The following SPOCK3 variants were observed in gnomAD, a reference collection of about 807,000 sequenced individuals.
The protein encoded by SPOCK3 is testican-3.
SPOCK3 carries 30 observed loss-of-function variants against 56.6 expected under a neutral mutation model. That is an observed-to-expected ratio of 0.53 (90% CI 0.40 to 0.72). SPOCK3 has a LOEUF of 0.72. SPOCK3 is among the 30% of genes least tolerant of loss of function. SPOCK3 has a pLI of 0.00. For synonymous variants in SPOCK3, 196 were observed against 183.3 expected (o/e 1.07, Z -0.56); for missense variants, 527 against 530.0 (o/e 0.99, Z 0.06).
intron 2 of SPOCK3, among the ~76,000 whole-genome samples, chr4:167,127,038 T>C (rs1324255326): frequency 6.6e-6 from 1 of 152,080 alleles, no homozygotes; most frequent in East Asian, 1.9e-4. Flanking sequence ...GCTCGGACCA[T>C]TATGGACCAG....
At chr4:166,959,875 G>C (rs879435738) in intron 4 of SPOCK3, among the ~76,000 whole-genome samples, 1 of 151,996 alleles carries the variant, frequency 6.6e-6, no homozygotes, top group Non-Finnish European at 1.5e-5. Flanking sequence ...ATTTAATTAA[G>C]GGAGTAGGCA....
At chr4:166,737,046 C>A (rs1230550345) in intron 10 of SPOCK3, among the ~76,000 whole-genome samples, 1 of 152,036 alleles carries the variant, frequency 6.6e-6, no homozygotes, top group Non-Finnish European at 1.5e-5. Context: ...GTTTGTATTT[C>A]TTTGGCTGGT....
intron 4 of SPOCK3, 40 bp downstream of exon 4, chr4:167,000,309 G>A (rs770681322): frequency 1.9e-5 from 19 of 978,366 alleles, no homozygotes; most frequent in Admixed American, 1.1e-4. Context: ...CTGGTAAGGA[G>A]CGCTGTTCAA....
chr4:167,195,980 A>G (rs1171220509), intron 2 of SPOCK3, among the ~76,000 whole-genome samples: 1 of 152,196 alleles, frequency 6.6e-6, no homozygotes, highest in Non-Finnish European at 1.5e-5. Flanking sequence ...ACTCTCAAAG[A>G]AATTTTAGAT....
chr4:167,156,645 G>GA (rs1245876710), intron 2 of SPOCK3, among the ~76,000 whole-genome samples: 1 of 152,066 alleles, frequency 6.6e-6, no homozygotes, highest in Non-Finnish European at 1.5e-5. Flanking sequence ...CAAAGAATTA[G>GA]AAAAAGAAAT....
chr4:167,140,832 T>G (rs1290863854), intron 2 of SPOCK3, among the ~76,000 whole-genome samples: 3 of 152,060 alleles, frequency 2.0e-5, no homozygotes, highest in African/African-American at 7.2e-5. Context: ...CACAGTTGCC[T>G]CCATCCCCTA....
rs533111277 is a variant in SPOCK3, at chr4:166,753,212, TA to T, written c.931+1295del. On this transcript the variant is annotated intron_variant, in intron 8 of 10. Transcript: ENST00000357545. The stretch of plus-strand genomic sequence containing the variant: ...ACACCAAAAAATAAAAATAAAAAAT[TA>T]AAATAACGTTTGTCATCATAAGAAA... 4.3e-4 allele frequency among the ~76,000 whole-genome samples: 65 copies of T among 152,060 alleles called. 1 individual carries two copies. Among genetic ancestry groups the T allele is most frequent in the African/African-American group, 1.5e-3 (61 of 41,538 alleles).
At chr4:167,179,865 G>A (rs1731297611) in intron 2 of SPOCK3, among the ~76,000 whole-genome samples, 2 of 152,108 alleles carry the variant, frequency 1.3e-5, no homozygotes, top group Admixed American at 1.3e-4. Flanking sequence ...TGGACTTGGA[G>A]GCTTGTGAGT....
intron 5 of SPOCK3, among the ~76,000 whole-genome samples, chr4:166,891,500 G>A (rs1016823578): frequency 1.3e-5 from 2 of 151,780 alleles, no homozygotes; most frequent in Non-Finnish European, 2.9e-5. Context: ...CTTTGAACAT[G>A]TTTATAGTAG....
chr4:166,898,401 C>T (rs915781454), intron 5 of SPOCK3, among the ~76,000 whole-genome samples: 9 of 151,906 alleles, frequency 5.9e-5, no homozygotes, highest in Admixed American at 1.3e-4. Context: ...AAGAACTTTG[C>T]GATAGGGGGT....
In SPOCK3 at chr4:166,956,418, A is replaced by G. The variant is rs148423702; in HGVS notation, c.351-43675T>C. On this transcript the variant is annotated intron_variant, in intron 4 of 10. Transcript: ENST00000357545. Reference sequence around the variant, plus strand: ...GTTACTTGAACACACCCACTGTAATACCTCAGCAGTAGATCCAATAACCAA... The same window carrying G: ...GTTACTTGAACACACCCACTGTAATGCCTCAGCAGTAGATCCAATAACCAA... 2.1e-3 allele frequency among the ~76,000 whole-genome samples: 313 copies of G among 152,198 alleles called. 4 individuals are homozygous for G. The highest frequency in any genetic ancestry group is 7.2e-3 in the African/African-American group (298 of 41,534).
intron 6 of SPOCK3, among the ~76,000 whole-genome samples, chr4:166,885,613 C>T (rs1734107025): frequency 6.6e-6 from 1 of 152,058 alleles, no homozygotes; most frequent in African/African-American, 2.4e-5. Flanking sequence ...CCCAGCTTCA[C>T]CTGTTACTTT....
intron 6 of SPOCK3, among the ~76,000 whole-genome samples, chr4:166,811,792 A>T (rs902234312): frequency 3.9e-5 from 6 of 151,910 alleles, no homozygotes; most frequent in African/African-American, 1.4e-4. Flanking sequence ...TCAAAGCTAT[A>T]CTTTGTTATA....
rs564873875 is a variant in SPOCK3, at chr4:166,953,740, G to A, written c.351-40997C>T. ...GGAAATGTGGCACATATACACCATG[G>A]AATACTATGCAGCCACAAAAAATGA... On this transcript the variant is annotated intron_variant, in intron 4 of 10. Coordinates refer to ENST00000357545, the MANE Select transcript of SPOCK3 (RefSeq NM_001040159.2). Among the ~76,000 whole-genome samples, 11 of 152,286 alleles carry A rather than the reference G, an allele frequency of 7.2e-5. No homozygotes were observed. The East Asian group carries it at 2.1e-3, about 29-fold the overall frequency.
At chr4:166,880,040 A>G (rs929564735) in intron 6 of SPOCK3, among the ~76,000 whole-genome samples, 1 of 152,196 alleles carries the variant, frequency 6.6e-6, no homozygotes, top group Admixed American at 6.6e-5. Flanking sequence ...CCGTGAGCCA[A>G]TTAAACCTCT....
At chr4:166,776,022 T>TA in intron 7 of SPOCK3, among the ~76,000 whole-genome samples, 1 of 152,178 alleles carries the variant, frequency 6.6e-6, no homozygotes, top group South Asian at 2.1e-4. Flanking sequence ...ACACATGAGG[T>TA]AAAATTTGAA....
At chr4:166,912,107 G>C (rs1165805906) in intron 5 of SPOCK3, among the ~76,000 whole-genome samples, 1 of 152,110 alleles carries the variant, frequency 6.6e-6, no homozygotes, top group Non-Finnish European at 1.5e-5. Context: ...GTAGAAGAGA[G>C]AGCAAAGGCA....
intron 6 of SPOCK3, among the ~76,000 whole-genome samples, chr4:166,842,727 A>G (rs1747575624): frequency 6.6e-6 from 1 of 152,238 alleles, no homozygotes; most frequent in African/African-American, 2.4e-5. Context: ...GTGGCTAGAC[A>G]TAAAAGTTCT....
At chr4:166,779,159 A>C (rs867091871) in intron 7 of SPOCK3, among the ~76,000 whole-genome samples, 39 of 152,168 alleles carry the variant, frequency 2.6e-4, no homozygotes, top group African/African-American at 8.9e-4. Flanking sequence ...CTGTTAAATC[A>C]ATCAAGCAAC....
Sources: gnomAD v4.1 joint callset for allele counts (sites outside exome capture counted in the v4.1 genomes callset) on GRCh38, gnomAD v4.1.1 for gene constraint, MANE v1.5 for transcripts, NCBI Gene and HGNC (gene_info 2026-07-23, HGNC 2026-07-21) for gene names.